NSRP1: variants seen among roughly 807,000 people sequenced by gnomAD.
NSRP1 encodes the protein nuclear speckle splicing regulatory protein 1.
NSRP1 carries 24 observed loss-of-function variants against 54.7 expected under a neutral mutation model. The ratio of observed to expected loss-of-function variants is 0.44; its 90% CI spans 0.32 to 0.62. The LOEUF (loss-of-function observed/expected upper bound fraction) is 0.62. Ranked by LOEUF, NSRP1 falls within the 20% of genes least tolerant of loss-of-function variation. The pLI, the probability that NSRP1 is intolerant of heterozygous loss-of-function variation, is 0.06. For synonymous variants in NSRP1, 210 were observed against 213.8 expected (o/e 0.98, Z 0.15); for missense variants, 596 against 651.2 (o/e 0.92, Z 0.92).
intron 2 of NSRP1, chr17:30,128,273 A>G (rs1436298666): frequency 6.6e-6 from 1 of 152,140 alleles, no homozygotes; most frequent in African/African-American, 2.4e-5. Context: ...GAAACATTAA[A>G]ACCCTAGCAG....
At chr17:30,178,382 G>A (rs1375623046) in intron 4 of NSRP1, among the ~76,000 whole-genome samples, 183 bp downstream of exon 4, 1 of 152,108 alleles carries the variant, frequency 6.6e-6, no homozygotes, top group Non-Finnish European at 1.5e-5. Flanking sequence ...TATCCTAATA[G>A]GCCAGGTGAA....
At chr17:30,117,187 G>C in intron 1 of NSRP1, 1 of 688,534 alleles carries the variant, frequency 1.5e-6, no homozygotes, top group Non-Finnish European at 2.7e-6. Context: ...GTTTCTCCCC[G>C]CTTGGATGCT....
At chr17:30,125,559 C>G (rs1201242348) in intron 2 of NSRP1, among the ~76,000 whole-genome samples, 1 of 152,016 alleles carries the variant, frequency 6.6e-6, no homozygotes, top group Admixed American at 6.6e-5. Context: ...TTCCTCCTTT[C>G]TTTTTTGAGA....
intron 2 of NSRP1, among the ~76,000 whole-genome samples, chr17:30,168,434 AT>A (rs1192119475): frequency 3.3e-5 from 5 of 152,008 alleles, no homozygotes; most frequent in African/African-American, 1.2e-4. Context: ...TCTTAGCAGA[AT>A]TATAGATTCA....
intron 2 of NSRP1, among the ~76,000 whole-genome samples, chr17:30,145,361 G>A (rs2071844584): frequency 6.6e-6 from 1 of 152,282 alleles, no homozygotes; most frequent in Admixed American, 6.5e-5. Flanking sequence ...AAGGTGGGCG[G>A]ATCACGAGGT....
At chr17:30,176,740 G>T (rs776502962) in intron 3 of NSRP1, among the ~76,000 whole-genome samples, 2 of 151,994 alleles carry the variant, frequency 1.3e-5, no homozygotes, top group Non-Finnish European at 2.9e-5. Flanking sequence ...GAGTGAGCAG[G>T]AGTGCCAATT....
At chr17:30,161,185 T>C (rs991591997) in intron 2 of NSRP1, among the ~76,000 whole-genome samples, 2 of 152,258 alleles carry the variant, frequency 1.3e-5, no homozygotes, top group Non-Finnish European at 2.9e-5. Context: ...AAACTGGCTA[T>C]AAACATTTGT....
chr17:30,151,528 G>A (rs1376575199), intron 2 of NSRP1, among the ~76,000 whole-genome samples: 1 of 152,142 alleles, frequency 6.6e-6, no homozygotes, highest in African/African-American at 2.4e-5. Flanking sequence ...TTAAGTAGAA[G>A]TGGATCATCA....
chr17:30,144,212 A>G (rs553352671), intron 2 of NSRP1: 75 of 150,820 alleles, frequency 5.0e-4, no homozygotes, highest in African/African-American at 1.6e-3. Flanking sequence ...TTGTTTTTTA[A>G]TCTCAGAGAA....
chr17:30,171,153 T>C (rs1904917739), intron 2 of NSRP1, among the ~76,000 whole-genome samples: 2 of 152,144 alleles, frequency 1.3e-5, no homozygotes, highest in African/African-American at 2.4e-5. Context: ...TACATTTTTA[T>C]TCTCTTTGAT....
chr17:30,126,022 G>A (rs186443767), intron 2 of NSRP1: 9 of 151,956 alleles, frequency 5.9e-5, no homozygotes, highest in Admixed American at 4.6e-4. Flanking sequence ...ATAATTTTCC[G>A]GTCTCACTGT....
At chr17:30,141,036 G>T (rs2151887690) in intron 2 of NSRP1, among the ~76,000 whole-genome samples, 1 of 152,196 alleles carries the variant, frequency 6.6e-6, no homozygotes, top group East Asian at 1.9e-4. Context: ...GTCCAGGCTG[G>T]TCTTAAACAC....
At chr17:30,121,996 A>G (rs1344687723) in intron 2 of NSRP1, among the ~76,000 whole-genome samples, 1 of 151,932 alleles carries the variant, frequency 6.6e-6, no homozygotes, top group African/African-American at 2.4e-5. Context: ...GGCAACCACT[A>G]ATTTACTTTC....
chr17:30,185,379 G>C lies in NSRP1; in HGVS notation c.1382G>C (p.Arg461Thr), dbSNP rs1340512368. The C allele has an allele frequency of 6.2e-7, 1 of 1,612,498 alleles. No individual in the cohort carries two copies. The highest frequency in any genetic ancestry group is 1.7e-5 in the Admixed American group (1 of 59,734). The change falls in exon 7 of 7, where the codon AGG (arginine) becomes ACG (threonine). Residue 461 changes from arginine (R) to threonine (T), a missense_variant. Coordinates refer to ENST00000247026, the MANE Select transcript of NSRP1 (RefSeq NM_032141.4). ...QDRKESSPNS[R>T]AKDKFLDQER... ...AGAAAGGAAAGCAGCCCAAATTCTA[G>C]GGCAAAGGATAAATTTCTTGACCAA...
rs774123234 is a variant in NSRP1 at position 30,117,051 on chromosome 17, G to A, written c.20+188G>A. 108 of 795,110 alleles carry A rather than the reference G, an allele frequency of 1.4e-4. No homozygotes were observed. In the Middle Eastern group the frequency reaches 1.8e-3, roughly 13 times the overall value. The allele number at this position is 795,110 out of a possible 1,614,324, so 49.3% of individuals were successfully genotyped here. A position where few individuals can be genotyped will look rare whatever the true frequency, so the allele number is the denominator to read the frequency against. On this transcript the variant is annotated intron_variant, in intron 1 of 6. Coordinates refer to ENST00000247026, the MANE Select transcript of NSRP1 (RefSeq NM_032141.4). ...CGTACATTTTCCCGGATGGAAGCCC[G>A]AAGTTTGAGGGAGAAACTTGTGAGG...
intron 2 of NSRP1, among the ~76,000 whole-genome samples, chr17:30,119,891 A>T (rs893635856): frequency 6.6e-6 from 1 of 152,200 alleles, no homozygotes; most frequent in African/African-American, 2.4e-5. Context: ...TTGGCTCTTT[A>T]TGGCTCACAG....
At position 30,176,614 on chromosome 17, in the gene NSRP1, C is replaced by CT. The variant is rs1272653689; in HGVS notation, c.172-1457_172-1456insT. 9.0e-5 allele frequency among the ~76,000 whole-genome samples: 11 copies of CT among 121,784 alleles called. 1 individual carries two copies. The highest frequency in any genetic ancestry group is 1.8e-4 in the Non-Finnish European group (10 of 54,162). 79.9% of individuals were successfully genotyped at this position (121,784 alleles called of 152,430 possible). On this transcript the variant is annotated intron_variant, in intron 3 of 6. Transcript: ENST00000247026. The stretch of plus-strand genomic sequence containing the variant: ...AACAGTGCAAGACTTCGTCCCCCCC[C>CT]CCCCAAAAAAAAAACAGCCCTCAGT...
intron 2 of NSRP1, among the ~76,000 whole-genome samples, chr17:30,159,772 C>T (rs907433614): frequency 9.2e-5 from 14 of 152,112 alleles, no homozygotes; most frequent in Non-Finnish European, 1.5e-4. Flanking sequence ...GACTCTCCTG[C>T]CTCAGCCTCC....
At chr17:30,153,901 G>A (rs1314960307) in intron 2 of NSRP1, among the ~76,000 whole-genome samples, 1 of 152,198 alleles carries the variant, frequency 6.6e-6, no homozygotes, top group Non-Finnish European at 1.5e-5. Flanking sequence ...CGTGTGACTG[G>A]TGGCTAACAT....
Sources: gnomAD v4.1 joint callset for allele counts (sites outside exome capture counted in the v4.1 genomes callset) on GRCh38, gnomAD v4.1.1 for gene constraint, MANE v1.5 for transcripts, NCBI Gene and HGNC (gene_info 2026-07-23, HGNC 2026-07-21) for gene names.